The following TECPR2 variants were observed in gnomAD, a reference collection of about 807,000 sequenced individuals.
TECPR2 encodes tectonin beta-propeller repeat-containing protein 2.
TECPR2 carries 65 observed loss-of-function variants against 138.1 expected under a neutral mutation model. That is an observed-to-expected ratio of 0.47 (90% CI 0.39 to 0.58). TECPR2 has a LOEUF of 0.58. TECPR2 is among the 20% of genes least tolerant of loss of function. TECPR2 has a pLI of 0.00. For synonymous variants in TECPR2, 746 were observed against 749.8 expected, an observed-to-expected ratio of 0.99 and a Z score of 0.08; for missense variants, 1,553 against 1,824.5, an observed-to-expected ratio of 0.85 and a Z score of 2.71.
chr14:102,449,535 G>A (rs1189303364), intron 13 of TECPR2, 94 bp from the exon 14 acceptor site: 2 of 1,549,218 alleles, frequency 1.3e-6, no homozygotes. Context: ...GAAATGCAGA[G>A]GTGTGGACCT....
chr14:102,384,145 C>G (rs1275632241), intron 2 of TECPR2, among the ~76,000 whole-genome samples: 1 of 151,832 alleles, frequency 6.6e-6, no homozygotes, highest in Non-Finnish European at 1.5e-5. Context: ...TCTCGAACTC[C>G]CGACCCCAGG....
At chr14:102,457,167 C>G (rs1243727372) in intron 16 of TECPR2, among the ~76,000 whole-genome samples, 3 of 152,058 alleles carry the variant, frequency 2.0e-5, no homozygotes. Context: ...TGACTGCGAC[C>G]TCCGCCTCCT....
At chr14:102,485,643 G>A (rs895238535) in intron 17 of TECPR2, among the ~76,000 whole-genome samples, 1 of 152,140 alleles carries the variant, frequency 6.6e-6, no homozygotes, top group Non-Finnish European at 1.5e-5. Context: ...AGGGAAGCTT[G>A]TCCCAGCCTG....
At chr14:102,478,868 T>C (rs1384827840) in intron 17 of TECPR2, among the ~76,000 whole-genome samples, 1 of 151,542 alleles carries the variant, frequency 6.6e-6, no homozygotes. Context: ...ATACAAAAAA[T>C]TAGCTGGGCA....
intron 5 of TECPR2, among the ~76,000 whole-genome samples, chr14:102,423,115 C>T (rs1416067316): frequency 6.6e-6 from 1 of 152,160 alleles, no homozygotes; most frequent in Non-Finnish European, 1.5e-5. Context: ...CACGGCCCAA[C>T]ACAAATTTGT....
chr14:102,499,565 A>C lies in TECPR2; in HGVS notation c.*1308A>C. On this transcript the variant is annotated 3_prime_UTR_variant, in exon 20 of 20. Transcript: ENST00000359520. ...TGGCAGCCCATGCCTTCTGCGGGGTATGGGTTGACACTTGACAGGTTGAAA... is the reference window on the plus strand; with the variant it reads ...TGGCAGCCCATGCCTTCTGCGGGGTCTGGGTTGACACTTGACAGGTTGAAA... 2.9e-6 allele frequency: 1 copy of C among 341,146 alleles called. No homozygotes were observed. Among genetic ancestry groups the C allele is most frequent in the Non-Finnish European group, 5.5e-6 (1 of 180,488 alleles). The allele number at this position is 341,146 out of a possible 1,614,324, so 21.1% of individuals were successfully genotyped here.
intron 17 of TECPR2, among the ~76,000 whole-genome samples, chr14:102,491,098 T>C (rs944080466): frequency 1.3e-5 from 2 of 151,890 alleles, no homozygotes; most frequent in African/African-American, 4.8e-5. Flanking sequence ...TTCATCATAT[T>C]GGTCAGGCTG....
At chr14:102,441,673 A>G (rs925170889) in intron 11 of TECPR2, among the ~76,000 whole-genome samples, 1 of 152,060 alleles carries the variant, frequency 6.6e-6, no homozygotes. Flanking sequence ...GCCTGGTGAC[A>G]GGGCGAGACT....
chr14:102,457,738 C>T (rs1890309066), intron 16 of TECPR2, among the ~76,000 whole-genome samples: 1 of 152,100 alleles, frequency 6.6e-6, no homozygotes, highest in Non-Finnish European at 1.5e-5. Context: ...TTAAAGTCAA[C>T]AGTAGGGGGT....
At chr14:102,363,874 G>C (rs1272122649) in intron 1 of TECPR2, among the ~76,000 whole-genome samples, 1 of 152,190 alleles carries the variant, frequency 6.6e-6, no homozygotes. Flanking sequence ...CAGTAAAGGG[G>C]AGCCCCTGCT....
chr14:102,466,163 C>G (rs948727637), intron 17 of TECPR2, among the ~76,000 whole-genome samples: 10 of 152,050 alleles, frequency 6.6e-5, no homozygotes, highest in African/African-American at 2.4e-4. Context: ...GATGAGGACA[C>G]CAGTGGTGTC....
chr14:102,493,063 G>A (rs1891191661), intron 17 of TECPR2, among the ~76,000 whole-genome samples: 1 of 152,234 alleles, frequency 6.6e-6, no homozygotes, highest in South Asian at 2.1e-4. Flanking sequence ...TTCTCTATCT[G>A]GAGACCCCTC....
Position 102,443,832 on chromosome 14 carries a change from T to C in TECPR2, c.2933+5T>C, listed in dbSNP as rs747652523. 11 of 1,570,364 alleles carry C rather than the reference T, an allele frequency of 7.0e-6. No individual in the cohort carries two copies. In the South Asian group the frequency reaches 1.0e-4, roughly 15 times the overall value. On this transcript the variant is annotated splice_donor_5th_base_variant and intron_variant, in intron 12 of 19. Transcript: ENST00000359520. This position sits in a 1 kb window ranked among gnomAD's most constrained non-coding sequence, Gnocchi z 4.9. ...GTGGAAGTGTGACATTGTCAGGTAC[T>C]GGCGGGCCAGAGACTCCTTTCACAT...
chr14:102,373,926 T>C (rs1435067142), intron 1 of TECPR2, among the ~76,000 whole-genome samples: 2 of 151,432 alleles, frequency 1.3e-5, no homozygotes, highest in African/African-American at 2.4e-5. Flanking sequence ...CTAAAAAATA[T>C]AAAAATTATC....
intron 13 of TECPR2, among the ~76,000 whole-genome samples, chr14:102,448,191 C>T (rs1890039033): frequency 6.6e-6 from 1 of 151,182 alleles, no homozygotes; most frequent in African/African-American, 2.4e-5. Context: ...AACTCCTGAC[C>T]TCAAGTAATC....
chr14:102,363,593 A>G, intron 1 of TECPR2, among the ~76,000 whole-genome samples: 1 of 152,266 alleles, frequency 6.6e-6, no homozygotes, highest in East Asian at 1.9e-4. Flanking sequence ...ATGAGTGGAT[A>G]AGTGAATGAC....
At position 102,438,383 on chromosome 14, in the gene TECPR2, G is replaced by A. The variant is rs867333095; in HGVS notation, c.2578+178G>A. 3.8e-5 allele frequency: 27 copies of A among 703,702 alleles called. No individual in the cohort carries two copies. In the Middle Eastern group the frequency reaches 1.2e-3, roughly 31 times the overall value. The allele number at this position is 703,702 out of a possible 1,614,324, so 43.6% of individuals were successfully genotyped here. A position where few individuals can be genotyped will look rare whatever the true frequency, so the allele number is the denominator to read the frequency against. ...GTTTGAGGGGTTGTCTCCAAAGAAC[G>A]TGAATTGCTTCATTGGATGTCAATT... On this transcript the variant is annotated intron_variant, in intron 10 of 19. Coordinates refer to ENST00000359520, the MANE Select transcript of TECPR2 (RefSeq NM_014844.5).
At position 102,368,665 on chromosome 14, in the gene TECPR2, T is replaced by C. The variant is rs1006760076; in HGVS notation, c.-73+5549T>C. ...GTGGATTAGATGTATTTTTACTTTC[T>C]TGATGGTGCCCTTTGGAGCACAAGC... On this transcript the variant is annotated intron_variant, in intron 1 of 19. Transcript: ENST00000359520. Among the ~76,000 whole-genome samples, 15 of 152,292 alleles carry C rather than the reference T, an allele frequency of 9.8e-5. No individual in the cohort carries two copies. In the East Asian group the frequency reaches 2.9e-3, roughly 29 times the overall value.
chr14:102,381,500 G>A (rs977150173), intron 2 of TECPR2, among the ~76,000 whole-genome samples: 1 of 152,204 alleles, frequency 6.6e-6, no homozygotes, highest in African/African-American at 2.4e-5. Context: ...CTTGAATCTG[G>A]GAGGCAGAGG....
Sources: allele counts gnomAD v4.1 joint callset (sites outside exome capture counted in the v4.1 genomes callset), GRCh38; gene constraint gnomAD v4.1.1; non-coding constraint Gnocchi (gnomAD v3.1); transcripts MANE v1.5; gene names NCBI Gene and HGNC (gene_info 2026-07-23, HGNC 2026-07-21).